Variants in IQGAP2 observed in about 807,000 individuals in gnomAD.
IQGAP2 encodes IQ motif containing GTPase activating protein 2, also known as ras GTPase-activating-like protein IQGAP2.
IQGAP2 carries 173 observed loss-of-function variants against 201.3 expected under a neutral mutation model. The ratio of observed to expected loss-of-function variants is 0.86; its 90% CI spans 0.76 to 0.98. IQGAP2 has a LOEUF of 0.98. Ranked by LOEUF, IQGAP2 falls within the 50% of genes least tolerant of loss-of-function variation. The pLI is 0.00. For synonymous variants in IQGAP2, 675 were observed against 673.9 expected (o/e 1.00, Z -0.03); for missense variants, 1,687 against 1,864.8 (o/e 0.90, Z 1.76).
At chr5:76,653,818 G>A (rs528069704) in intron 18 of IQGAP2, among the ~76,000 whole-genome samples, 11 of 152,272 alleles carry the variant, frequency 7.2e-5, no homozygotes, top group African/African-American at 2.6e-4. Context: ...CATTTAAAGG[G>A]ATGTTAGAAG....
intron 2 of IQGAP2, among the ~76,000 whole-genome samples, chr5:76,519,196 C>A (rs1159293629): frequency 1.3e-5 from 2 of 152,186 alleles, no homozygotes; most frequent in African/African-American, 4.8e-5. Flanking sequence ...CTAAAAGTAG[C>A]CCTTGTGCTA....
At chr5:76,514,263 A>G (rs1758167443) in intron 2 of IQGAP2, among the ~76,000 whole-genome samples, 1 of 151,908 alleles carries the variant, frequency 6.6e-6, no homozygotes, top group Admixed American at 6.6e-5. Context: ...ACCTCAAGTG[A>G]TCTACTCACC....
At chr5:76,419,932 C>T (rs1751635752) in intron 1 of IQGAP2, among the ~76,000 whole-genome samples, 1 of 152,188 alleles carries the variant, frequency 6.6e-6, no homozygotes. Flanking sequence ...ATAAATTCCA[C>T]ACTATGATTT....
chr5:76,641,590 C>A (rs1751588909), intron 17 of IQGAP2, among the ~76,000 whole-genome samples: 1 of 152,132 alleles, frequency 6.6e-6, no homozygotes, highest in Admixed American at 6.5e-5. Context: ...TCAGGAGAAA[C>A]CTTCATTCCC....
At chr5:76,601,056 G>T in intron 11 of IQGAP2, 84 bp downstream of exon 11, 1 of 1,350,764 alleles carries the variant, frequency 7.4e-7, no homozygotes, top group South Asian at 1.3e-5. Context: ...CCTGTTGGTG[G>T]AGAAATCCAT....
chr5:76,496,773 CTTTCTT>C lies in IQGAP2; in HGVS notation c.146+35106_146+35111del, dbSNP rs879477296. ...TCTTTCTTTCTTTCTTTCTTTCTTT[CTTTCTT>C]TCTTTCTTTCTTTCTCTTTCTTTCT... is the stretch of plus-strand genomic sequence containing the variant. On this transcript the variant is annotated intron_variant, in intron 2 of 35. Transcript: ENST00000274364. Among the ~76,000 whole-genome samples the C allele has an allele frequency of 1.6e-3, 123 of 75,548 alleles. 5 individuals are homozygous for C. The highest frequency in any genetic ancestry group is 7.0e-3 in the African/African-American group (113 of 16,096). 49.6% of individuals were successfully genotyped at this position (75,548 alleles called of 152,430 possible).
chr5:76,557,080 G>A (rs1277212606), intron 2 of IQGAP2, among the ~76,000 whole-genome samples: 1 of 152,192 alleles, frequency 6.6e-6, no homozygotes, highest in African/African-American at 2.4e-5. Context: ...TCTCCAAGCC[G>A]TGGAACTCTA....
chr5:76,422,307 G>A (rs1027546433), intron 1 of IQGAP2, among the ~76,000 whole-genome samples: 20 of 152,270 alleles, frequency 1.3e-4, no homozygotes, highest in African/African-American at 4.6e-4. Context: ...GATTGCTGAG[G>A]CCACAGGGTC....
intron 23 of IQGAP2, 138 bp from the exon 24 acceptor site, chr5:76,671,621 G>C (rs1744328140): frequency 3.3e-6 from 2 of 600,340 alleles, no homozygotes; most frequent in Non-Finnish European, 5.9e-6. Context: ...CTGGGAGGTG[G>C]AGGTTGCAGT....
At chr5:76,408,764 C>T (rs142088957) in intron 1 of IQGAP2, among the ~76,000 whole-genome samples, 53 of 151,974 alleles carry the variant, frequency 3.5e-4, no homozygotes, top group Middle Eastern at 3.4e-3. Flanking sequence ...CTGCCTGCCC[C>T]CCACCCAACC....
At chr5:76,501,766 C>A (rs983203539) in intron 2 of IQGAP2, among the ~76,000 whole-genome samples, 3 of 151,820 alleles carry the variant, frequency 2.0e-5, no homozygotes, top group Admixed American at 6.6e-5. Context: ...CCTCAGCCTC[C>A]CAAGTAGCTG....
chr5:76,444,069 A>G (rs1753221727), intron 1 of IQGAP2, among the ~76,000 whole-genome samples: 3 of 152,118 alleles, frequency 2.0e-5, no homozygotes, highest in African/African-American at 7.2e-5. Context: ...CTTCCTCACA[A>G]TAGTAGAAAG....
At chr5:76,539,731 A>AGG (rs1742632681) in intron 2 of IQGAP2, among the ~76,000 whole-genome samples, 2 of 152,272 alleles carry the variant, frequency 1.3e-5, no homozygotes, top group South Asian at 4.1e-4. Flanking sequence ...GGGAAGCCAT[A>AGG]GGGGGCAGTG....
At chr5:76,525,723 T>C (rs1758931241) in intron 2 of IQGAP2, among the ~76,000 whole-genome samples, 2 of 152,212 alleles carry the variant, frequency 1.3e-5, no homozygotes, top group Non-Finnish European at 2.9e-5. Context: ...GCCAGTTGTA[T>C]TGAAAAGTTA....
At chr5:76,492,263 T>A (rs537761717) in intron 2 of IQGAP2, among the ~76,000 whole-genome samples, 47 of 152,314 alleles carry the variant, frequency 3.1e-4, no homozygotes, top group Middle Eastern at 3.4e-3. Flanking sequence ...GAGCACAGCA[T>A]GCACCTGTGG....
At chr5:76,421,891 G>A (rs1249181630) in intron 1 of IQGAP2, among the ~76,000 whole-genome samples, 1 of 152,056 alleles carries the variant, frequency 6.6e-6, no homozygotes, top group Non-Finnish European at 1.5e-5. Context: ...AATACTGTGC[G>A]ATCTTGAACA....
At position 76,647,164 on chromosome 5, in the gene IQGAP2, C is replaced by T. The variant is rs549959728; in HGVS notation, c.2095-5586C>T. On this transcript the variant is annotated intron_variant, in intron 17 of 35. Transcript: ENST00000274364. ...ATGCATGTTCTTTTCCCTATTCTTC[C>T]GTAAATACAACTAAAAGCCTCCAAT... 5.9e-5 allele frequency among the ~76,000 whole-genome samples: 9 copies of T among 152,162 alleles called. No individual in the cohort carries two copies. The East Asian group carries it at 1.2e-3, about 20-fold the overall frequency.
At chr5:76,569,443 AT>A (rs1744961892) in intron 3 of IQGAP2, among the ~76,000 whole-genome samples, 1 of 149,592 alleles carries the variant, frequency 6.7e-6, no homozygotes, top group African/African-American at 2.5e-5. Flanking sequence ...AAAAAAAAAA[AT>A]AGGAATGATA....
intron 5 of IQGAP2, among the ~76,000 whole-genome samples, chr5:76,588,295 G>A (rs968967711): frequency 3.9e-5 from 6 of 152,082 alleles, no homozygotes; most frequent in Admixed American, 1.3e-4. Flanking sequence ...CTTTTCTCAG[G>A]TTATGGGTAG....
Sources: gnomAD v4.1 joint callset for allele counts (sites outside exome capture counted in the v4.1 genomes callset) on GRCh38, gnomAD v4.1.1 for gene constraint, MANE v1.5 for transcripts, NCBI Gene and HGNC (gene_info 2026-07-23, HGNC 2026-07-21) for gene names.